Variants in CAMTA1 observed in about 807,000 individuals in gnomAD.
The protein encoded by CAMTA1 is calmodulin-binding transcription activator 1.
Under a neutral mutation model 170.9 loss-of-function variants are expected in CAMTA1, and 27 were observed. The observed-to-expected ratio is 0.16, with a 90% CI of 0.12 to 0.22. CAMTA1 has a LOEUF of 0.22. Among genes scored for constraint, CAMTA1 ranks in the 10% least tolerant of loss-of-function variants. The pLI is 1.00. For synonymous variants in CAMTA1, 833 were observed against 891.5 expected (o/e 0.93, Z 1.17); for missense variants, 1,619 against 2,217.2 (o/e 0.73, Z 5.42).
intron 7 of CAMTA1, among the ~76,000 whole-genome samples, chr1:7,657,187 A>G (rs2095911473): frequency 6.6e-6 from 1 of 151,762 alleles, no homozygotes; most frequent in Non-Finnish European, 1.5e-5. Context: ...GGCTTATCCC[A>G]CCCCATGCCA....
At chr1:6,926,817 A>ATC (rs1683376667) in intron 3 of CAMTA1, among the ~76,000 whole-genome samples, 1 of 148,288 alleles carries the variant, frequency 6.7e-6, no homozygotes, top group African/African-American at 2.5e-5. Context: ...TGCAGCCTTG[A>ATC]TCTCTTGGGC....
At position 7,682,959 on chromosome 1, in the gene CAMTA1, C is replaced by G. The variant is rs1288945702; in HGVS notation, c.2914+5226C>G. Among the ~76,000 whole-genome samples the G allele has an allele frequency of 6.6e-6, 1 of 152,198 alleles. No homozygotes were observed. The highest frequency in any genetic ancestry group is 2.4e-5 in the African/African-American group (1 of 41,456). Reference sequence around the variant, plus strand: ...GGCCGAGGCAGGCGGATCACAAGGTCAGGAGATCGAGCCCATCCTGGTTAA... The same window carrying G: ...GGCCGAGGCAGGCGGATCACAAGGTGAGGAGATCGAGCCCATCCTGGTTAA... On this transcript the variant is annotated intron_variant, in intron 11 of 22. Coordinates refer to ENST00000303635, the MANE Select transcript of CAMTA1 (RefSeq NM_015215.4). The surrounding 1 kb of genome is among the most constrained non-coding windows in gnomAD (Gnocchi z 5.0).
chr1:7,533,876 T>C (rs1343785999), intron 6 of CAMTA1, among the ~76,000 whole-genome samples: 1 of 151,908 alleles, frequency 6.6e-6, no homozygotes, highest in Non-Finnish European at 1.5e-5. Context: ...GTCACACCAC[T>C]GCACTCTAGC....
intron 4 of CAMTA1, among the ~76,000 whole-genome samples, chr1:7,143,333 CTCAAGTATTAG>C (rs1400174594): frequency 6.6e-6 from 1 of 152,186 alleles, no homozygotes; most frequent in Non-Finnish European, 1.5e-5. Context: ...GAATCTTATC[CTCAAGTATTAG>C]TCACTGCAAG....
chr1:6,793,957 A>G (rs1294775854), intron 1 of CAMTA1, among the ~76,000 whole-genome samples: 2 of 152,226 alleles, frequency 1.3e-5, no homozygotes, highest in African/African-American at 4.8e-5. Flanking sequence ...GAGTGATAAT[A>G]AGAAATTGGT....
intron 4 of CAMTA1, among the ~76,000 whole-genome samples, chr1:7,140,204 A>G (rs984258024): frequency 2.0e-5 from 3 of 152,168 alleles, no homozygotes; most frequent in Non-Finnish European, 4.4e-5. Flanking sequence ...CTCAAGCCCA[A>G]CCTTGTACTT....
chr1:7,518,899 C>T (rs1277086668), intron 6 of CAMTA1, among the ~76,000 whole-genome samples: 1 of 151,922 alleles, frequency 6.6e-6, no homozygotes, highest in Non-Finnish European at 1.5e-5. Context: ...TGTGATGGCT[C>T]CAGGCCTGCC....
At chr1:6,967,086 C>T (rs1046570615) in intron 3 of CAMTA1, among the ~76,000 whole-genome samples, 9 of 151,630 alleles carry the variant, frequency 5.9e-5, no homozygotes, top group East Asian at 4.0e-4. Context: ...TACTAAAATA[C>T]GGAAGGTAGC....
intron 3 of CAMTA1, among the ~76,000 whole-genome samples, chr1:7,016,403 A>AAAAAAAAAAT (rs1215213972): frequency 1.3e-5 from 2 of 152,250 alleles, no homozygotes; most frequent in Non-Finnish European, 2.9e-5. Context: ...CTCTGCAAAC[A>AAAAAAAAAAT]GTAGGTGCTC....
intron 16 of CAMTA1, among the ~76,000 whole-genome samples, chr1:7,743,866 G>A (rs187151197): frequency 1.4e-5 from 2 of 145,446 alleles, no homozygotes; most frequent in African/African-American, 2.6e-5. Context: ...TTACTCTGTC[G>A]CCCAGGCTGG....
rs371616398 is a variant in CAMTA1 at position 7,320,754 on chromosome 1, G to A, written c.438+71128G>A. On this transcript the variant is annotated intron_variant, in intron 5 of 22. Transcript: ENST00000303635. ...TTCCCTCATGTACCTCACAGACCAA[G>A]GGCCCAATGTGGGGCTGTACCAACT... Among the ~76,000 whole-genome samples, 6 of 148,690 alleles carry A rather than the reference G, an allele frequency of 4.0e-5. No homozygotes were observed. In the East Asian group the frequency reaches 1.2e-3, roughly 31 times the overall value.
chr1:7,581,400 A>C (rs1189890732), intron 6 of CAMTA1, among the ~76,000 whole-genome samples: 1 of 152,194 alleles, frequency 6.6e-6, no homozygotes, highest in African/African-American at 2.4e-5. Flanking sequence ...CGGCTTCATT[A>C]CTCTGTTCCC....
chr1:7,327,606 T>G (rs2082768311), intron 5 of CAMTA1, among the ~76,000 whole-genome samples: 1 of 151,892 alleles, frequency 6.6e-6, no homozygotes, highest in Non-Finnish European at 1.5e-5. Flanking sequence ...TGGTAGGGAG[T>G]GGAATATTGA....
Position 7,420,213 on chromosome 1 carries a change from G to A in CAMTA1, c.439-47617G>A, listed in dbSNP as rs541141316. Among the ~76,000 whole-genome samples, 9 of 152,162 alleles carry A rather than the reference G, an allele frequency of 5.9e-5. No homozygotes were observed. The South Asian group carries it at 1.3e-3, about 21-fold the overall frequency. Reference sequence around the variant, plus strand: ...GCCCATCCACCTGGAGCACCTGCCCGGTCCTGCACACTTGGCCGCCTGGCT... The same window carrying A: ...GCCCATCCACCTGGAGCACCTGCCCAGTCCTGCACACTTGGCCGCCTGGCT... On this transcript the variant is annotated intron_variant, in intron 5 of 22. Transcript: ENST00000303635.
intron 4 of CAMTA1, among the ~76,000 whole-genome samples, chr1:7,189,702 A>G (rs1165077009): frequency 6.6e-6 from 1 of 152,238 alleles, no homozygotes; most frequent in African/African-American, 2.4e-5. Flanking sequence ...AAACTAGTAC[A>G]ACCACTATGG....
chr1:7,059,900 T>G (rs377710819), intron 3 of CAMTA1, among the ~76,000 whole-genome samples: 1 of 152,124 alleles, frequency 6.6e-6, no homozygotes, highest in Non-Finnish European at 1.5e-5. Context: ...GTTATTACCC[T>G]TGTTTAGAGA....
intron 6 of CAMTA1, among the ~76,000 whole-genome samples, chr1:7,587,428 A>C (rs2095320634): frequency 2.6e-5 from 4 of 152,114 alleles, no homozygotes; most frequent in Admixed American, 2.6e-4. Context: ...GTGAGTCGGC[A>C]GCACGCCCTC....
intron 7 of CAMTA1, among the ~76,000 whole-genome samples, chr1:7,653,418 A>G (rs1266889630): frequency 1.3e-5 from 2 of 152,034 alleles, no homozygotes; most frequent in African/African-American, 4.8e-5. Context: ...GCCCACCACC[A>G]CACCAGACTA....
intron 4 of CAMTA1, among the ~76,000 whole-genome samples, chr1:7,102,816 ATCT>A (rs1356996758): frequency 6.6e-6 from 1 of 152,026 alleles, no homozygotes; most frequent in African/African-American, 2.4e-5. Flanking sequence ...AATGGGTGTC[ATCT>A]TCTCCCTGGG....
Sources: allele counts gnomAD v4.1 joint callset (sites outside exome capture counted in the v4.1 genomes callset), GRCh38; gene constraint gnomAD v4.1.1; non-coding constraint Gnocchi (gnomAD v3.1); transcripts MANE v1.5; gene names NCBI Gene and HGNC (gene_info 2026-07-23, HGNC 2026-07-21).